The following KIAA0513 variants were observed in gnomAD, a reference collection of about 807,000 sequenced individuals.
The protein encoded by KIAA0513 is uncharacterized protein KIAA0513.
KIAA0513 carries 39 observed loss-of-function variants against 56.5 expected under a neutral mutation model. The observed-to-expected ratio is 0.69, with a 90% confidence interval of 0.53 to 0.90. The LOEUF is 0.90. Among genes scored for constraint, KIAA0513 ranks in the 40% least tolerant of loss-of-function variants. The pLI is 0.00. For missense variants in KIAA0513, 591 were observed against 535.2 expected, an observed-to-expected ratio of 1.10 and a Z score of -1.03; for synonymous variants, 268 against 215.6, an observed-to-expected ratio of 1.24 and a Z score of -2.13.
chr16:85,074,121 C>T (rs1353138552), intron 4 of KIAA0513, among the ~76,000 whole-genome samples: 8 of 151,816 alleles, frequency 5.3e-5, no homozygotes, highest in African/African-American at 1.2e-4. Context: ...ATTACGGGCA[C>T]GCACTATCAT....
intron 1 of KIAA0513, among the ~76,000 whole-genome samples, chr16:85,037,528 C>G (rs1417621204): frequency 1.3e-5 from 2 of 152,120 alleles, no homozygotes; most frequent in African/African-American, 4.8e-5. Context: ...CAATGTCAAA[C>G]CTAAGACTGC....
chr16:85,029,950 C>A (rs1482342846), intron 1 of KIAA0513, among the ~76,000 whole-genome samples: 1 of 152,158 alleles, frequency 6.6e-6, no homozygotes, highest in African/African-American at 2.4e-5. Flanking sequence ...CTACTGGGGG[C>A]ACAGTGAAGT....
intron 8 of KIAA0513, chr16:85,079,741 TA>T (rs1019321406): frequency 6.6e-6 from 1 of 152,252 alleles, no homozygotes; most frequent in African/African-American, 2.4e-5. Flanking sequence ...GTGAATACAC[TA>T]AAAATCACTG....
At chr16:85,085,363 C>T (rs2073796512) in intron 10 of KIAA0513, among the ~76,000 whole-genome samples, 1 of 152,222 alleles carries the variant, frequency 6.6e-6, no homozygotes. Context: ...CTCTCGTGGG[C>T]CAGGGGGTGG....
At chr16:85,047,331 T>G (rs1209392420) in intron 1 of KIAA0513, among the ~76,000 whole-genome samples, 2 of 152,064 alleles carry the variant, frequency 1.3e-5, no homozygotes, top group Non-Finnish European at 2.9e-5. Context: ...CTTGATGGGG[T>G]TGTTTTCCCG....
rs147928899 is a variant in KIAA0513, at chr16:85,049,467, G to A, written c.-172-17433G>A. ...CTGTCGAATTGTAATCTCCAGTGTTGGAGGTGGGAGGTGATTGTATCACGG... is the reference window on the plus strand; with the variant it reads ...CTGTCGAATTGTAATCTCCAGTGTTAGAGGTGGGAGGTGATTGTATCACGG... On this transcript the variant is annotated intron_variant, in intron 1 of 12. Coordinates refer to ENST00000683363, the MANE Select transcript of KIAA0513 (RefSeq NM_001388359.1). Among the ~76,000 whole-genome samples the A allele has an allele frequency of 3.5e-3, 527 of 152,310 alleles. 2 individuals are homozygous for A. Among genetic ancestry groups the A allele is most frequent in the African/African-American group, 0.012 (503 of 41,562 alleles).
chr16:85,087,088 A>C lies in KIAA0513; in HGVS notation c.1108A>C (p.Met370Leu), dbSNP rs998389357. 14 of 1,614,002 alleles carry C rather than the reference A, an allele frequency of 8.7e-6. No homozygotes were observed. The highest frequency in any genetic ancestry group is 2.7e-5 in the African/African-American group (2 of 74,932). The change falls in exon 12 of 13, where the codon ATG becomes CTG. Residue 370 changes from methionine (M) to leucine (L), a missense_variant. Coordinates refer to ENST00000683363, the MANE Select transcript of KIAA0513 (RefSeq NM_001388359.1). ...CTCCTGCAGCACATTCACGCACAAC[A>C]TGCTGGCCTTTGGACTGAACAAGAA... ...FGQLGTFTHN[M>L]LAFGLNKKLC... is the part of the protein sequence containing the mutation.
Position 85,052,756 on chromosome 16 carries a change from C to T in KIAA0513, c.-172-14144C>T, listed in dbSNP as rs559580869. Among the ~76,000 whole-genome samples, 15 of 152,236 alleles carry T rather than the reference C, an allele frequency of 9.9e-5. No homozygotes were observed. The South Asian group carries it at 2.3e-3, about 23-fold the overall frequency. ...TGGTTTGGGGGCAGGTGCTTTTGTC[C>T]GTGCATCTGAAGGTCGGTTCAGAGT... On this transcript the variant is annotated intron_variant, in intron 1 of 12. Transcript: ENST00000683363.
At chr16:85,056,530 C>G (rs1040555522) in intron 1 of KIAA0513, among the ~76,000 whole-genome samples, 1 of 152,210 alleles carries the variant, frequency 6.6e-6, no homozygotes, top group Non-Finnish European at 1.5e-5. Context: ...CCCTTCCCAG[C>G]TCCACTTAAA....
chr16:85,040,271 C>T (rs1031607556), intron 1 of KIAA0513, among the ~76,000 whole-genome samples: 10 of 152,204 alleles, frequency 6.6e-5, no homozygotes, highest in African/African-American at 2.4e-4. Context: ...TGGCATCTAG[C>T]GAGTGGAGGC....
At position 85,076,744 on chromosome 16, in the gene KIAA0513, C is replaced by A. The variant is rs974618419; in HGVS notation, c.575-681C>A. On this transcript the variant is annotated intron_variant, in intron 5 of 12. Coordinates refer to ENST00000683363, the MANE Select transcript of KIAA0513 (RefSeq NM_001388359.1). This position sits in a 1 kb window ranked among gnomAD's most constrained non-coding sequence, Gnocchi z 4.7. ...GGCAGGCCCTTCCTGCCAGGCCACA[C>A]GTCGGCTGCTTTGGGTGGGGTAGGA... 1.3e-5 allele frequency among the ~76,000 whole-genome samples: 2 copies of A among 152,204 alleles called. No individual in the cohort carries two copies. Among genetic ancestry groups the A allele is most frequent in the East Asian group, 1.9e-4 (1 of 5,188 alleles).
intron 1 of KIAA0513, among the ~76,000 whole-genome samples, chr16:85,046,202 G>A (rs886905983): frequency 4.6e-5 from 7 of 152,162 alleles, no homozygotes; most frequent in Non-Finnish European, 7.3e-5. Context: ...TTCTTACCAC[G>A]CGCCATGCCT....
intron 1 of KIAA0513, among the ~76,000 whole-genome samples, chr16:85,064,109 G>C (rs569259183): frequency 6.7e-6 from 1 of 148,514 alleles, no homozygotes; most frequent in Non-Finnish European, 1.5e-5. Flanking sequence ...AGGTTCAACC[G>C]ATTCTCCTGC....
intron 3 of KIAA0513, among the ~76,000 whole-genome samples, chr16:85,072,145 G>A (rs1021671186): frequency 3.3e-5 from 5 of 152,128 alleles, no homozygotes; most frequent in Non-Finnish European, 7.3e-5. Flanking sequence ...TTGAGCCCAG[G>A]AGCTTGAGAC....
chr16:85,071,269 G>A (rs1449700633), intron 2 of KIAA0513, among the ~76,000 whole-genome samples: 1 of 152,232 alleles, frequency 6.6e-6, no homozygotes, highest in Non-Finnish European at 1.5e-5. Context: ...AGAGGGATGA[G>A]CGAGCGCCCC....
chr16:85,077,328 T>C (rs1361673726), intron 5 of KIAA0513, 97 bp from the exon 6 acceptor site: 4 of 1,158,838 alleles, frequency 3.5e-6, no homozygotes, highest in East Asian at 2.5e-5. Context: ...GTATCCCCAC[T>C]GCACAGGACC....
intron 11 of KIAA0513, 117 bp downstream of exon 11, chr16:85,086,841 C>A: frequency 1.0e-6 from 1 of 997,944 alleles, no homozygotes; most frequent in Non-Finnish European, 1.5e-6. Flanking sequence ...GCATGGGGTT[C>A]ATCACACTTG....
At chr16:85,038,727 T>A (rs72658731) in intron 1 of KIAA0513, among the ~76,000 whole-genome samples, 38,379 of 120,882 alleles carry the variant, frequency 0.32, 6,845 homozygotes, top group African/African-American at 0.49. Flanking sequence ...AAAAAAATAA[T>A]AATAATAATA....
intron 1 of KIAA0513, among the ~76,000 whole-genome samples, chr16:85,038,764 C>A (rs967420227): frequency 6.7e-6 from 1 of 150,316 alleles, no homozygotes; most frequent in East Asian, 1.9e-4. Flanking sequence ...CTATTTAACT[C>A]AATGTATCCA....
Sources: gnomAD v4.1 joint callset for allele counts (sites outside exome capture counted in the v4.1 genomes callset) on GRCh38, gnomAD v4.1.1 for gene constraint, Gnocchi (gnomAD v3.1) non-coding constraint, MANE v1.5 for transcripts, NCBI Gene and HGNC (gene_info 2026-07-23, HGNC 2026-07-21) for gene names.